The following AGAP1 variants were observed in gnomAD, a reference collection of about 807,000 sequenced individuals.
AGAP1 encodes arf-GAP with GTPase, ANK repeat and PH domain-containing protein 1.
AGAP1 carries 29 observed loss-of-function variants against 105.3 expected under a neutral mutation model. The observed-to-expected ratio is 0.28, with a 90% CI of 0.21 to 0.38. The LOEUF is 0.38. Among genes scored for constraint, AGAP1 ranks in the 10% least tolerant of loss-of-function variants. The pLI, the probability that AGAP1 is intolerant of heterozygous loss-of-function variation, is 1.00. For synonymous variants in AGAP1, 509 were observed against 485.9 expected, an observed-to-expected ratio of 1.05 and a Z score of -0.63; for missense variants, 998 against 1,165.1, an observed-to-expected ratio of 0.86 and a Z score of 2.09.
At chr2:236,047,241 G>A (rs1051391945) in intron 15 of AGAP1, among the ~76,000 whole-genome samples, 1 of 152,168 alleles carries the variant, frequency 6.6e-6, no homozygotes, top group African/African-American at 2.4e-5. Flanking sequence ...TGGTTGTGCT[G>A]CGTCCATGGT....
At chr2:235,838,264 ACAAT>A (rs1488128772) in intron 9 of AGAP1, among the ~76,000 whole-genome samples, 2 of 151,536 alleles carry the variant, frequency 1.3e-5, no homozygotes, top group Admixed American at 6.6e-5. Context: ...CATTTAATTG[ACAAT>A]CAAGCCATCT....
At chr2:235,998,346 C>T (rs2055905234) in intron 13 of AGAP1, among the ~76,000 whole-genome samples, 1 of 152,136 alleles carries the variant, frequency 6.6e-6, no homozygotes, top group Non-Finnish European at 1.5e-5. Context: ...TAAAGATGAC[C>T]TGAGACATAT....
intron 11 of AGAP1, among the ~76,000 whole-genome samples, chr2:235,924,601 G>A (rs1046108804): frequency 5.3e-5 from 8 of 152,168 alleles, no homozygotes; most frequent in African/African-American, 1.9e-4. Context: ...GAGACTCCTG[G>A]ATCAAAATGA....
At chr2:235,632,401 G>T (rs1295229533) in intron 1 of AGAP1, among the ~76,000 whole-genome samples, 1 of 152,128 alleles carries the variant, frequency 6.6e-6, no homozygotes, top group African/African-American at 2.4e-5. Flanking sequence ...CCTCCCCTCT[G>T]CCTGTGTGTT....
chr2:235,556,028 G>A lies in AGAP1; in HGVS notation c.163+61179G>A, dbSNP rs1943962000. ...GTGTTTCTGCCTGTGGGGCACGTGG[G>A]ACATGTGAGGGAGAAACAGCATCCT... On this transcript the variant is annotated intron_variant, in intron 1 of 17. Coordinates refer to ENST00000304032, the MANE Select transcript of AGAP1 (RefSeq NM_001037131.3). The surrounding 1 kb of genome is among the most constrained non-coding windows in gnomAD (Gnocchi z 5.3). Among the ~76,000 whole-genome samples the A allele has an allele frequency of 6.6e-6, 1 of 152,212 alleles. No homozygotes were observed. The highest frequency in any genetic ancestry group is 1.5e-5 in the Non-Finnish European group (1 of 68,046).
Position 235,869,458 on chromosome 2 carries a change from G to A in AGAP1, c.1051-13887G>A, listed in dbSNP as rs532881749. ...AAAAAAAAAAAAAAAAAAATTAGCCGGGCGTGACGGCAGGTGCCTGTAATC... is the reference window on the plus strand; with the variant it reads ...AAAAAAAAAAAAAAAAAAATTAGCCAGGCGTGACGGCAGGTGCCTGTAATC... On this transcript the variant is annotated intron_variant, in intron 9 of 17. Coordinates refer to ENST00000304032, the MANE Select transcript of AGAP1 (RefSeq NM_001037131.3). Among the ~76,000 whole-genome samples the A allele has an allele frequency of 1.9e-3, 267 of 138,634 alleles. 1 individual carries two copies. The highest frequency in any genetic ancestry group is 6.4e-3 in the African/African-American group (251 of 38,958). The allele number at this position is 138,634 out of a possible 152,430, so 90.9% of individuals were successfully genotyped here. A position where few individuals can be genotyped will look rare whatever the true frequency, so the allele number is the denominator to read the frequency against.
rs565433130 is a variant in AGAP1, at chr2:236,062,899, A to T, written c.2114+13618A>T. Reference sequence around the variant, plus strand: ...CTGGTCTTGAACTCCTGACCTCATGATCCACCCACCTTGGCCTCCCAGAGT... The same window carrying T: ...CTGGTCTTGAACTCCTGACCTCATGTTCCACCCACCTTGGCCTCCCAGAGT... On this transcript the variant is annotated intron_variant, in intron 16 of 17. Transcript: ENST00000304032. The surrounding 1 kb of genome is among the most constrained non-coding windows in gnomAD (Gnocchi z 4.2). 2.6e-5 allele frequency among the ~76,000 whole-genome samples: 4 copies of T among 151,610 alleles called. No individual in the cohort carries two copies. The highest frequency in any genetic ancestry group is 2.6e-4 in the Admixed American group (4 of 15,244).
intron 9 of AGAP1, among the ~76,000 whole-genome samples, 198 bp downstream of exon 9, chr2:235,807,529 A>G (rs554628796): frequency 6.6e-6 from 1 of 152,244 alleles, no homozygotes; most frequent in South Asian, 2.1e-4. Context: ...GGGAACGGAG[A>G]CAACAGACCT....
At chr2:235,774,509 GTGT>G in intron 6 of AGAP1, 1 of 353,636 alleles carries the variant, frequency 2.8e-6, no homozygotes, top group Non-Finnish European at 5.8e-6. Flanking sequence ...AAACCTTTAA[GTGT>G]AGTAGCCTAA....
chr2:236,126,363 CTG>C lies in AGAP1; in HGVS notation c.*2243_*2244del, dbSNP rs1448587408. 2 of 152,226 alleles carry C rather than the reference CTG, an allele frequency of 1.3e-5. No homozygotes were observed. The highest frequency in any genetic ancestry group is 2.4e-5 in the African/African-American group (1 of 41,458). 9.4% of individuals were successfully genotyped at this position (152,226 alleles called of 1,614,324 possible). On this transcript the variant is annotated 3_prime_UTR_variant, in exon 18 of 18. Transcript: ENST00000304032. ...CTCCACACAGCCTTCACCGTAGACT[CTG>C]TAGTGGACACAGATATAGCATAAAT...
intron 6 of AGAP1, among the ~76,000 whole-genome samples, chr2:235,781,141 C>T (rs1374424169): frequency 6.6e-6 from 1 of 152,166 alleles, no homozygotes; most frequent in Non-Finnish European, 1.5e-5. Context: ...CAGACCTTTC[C>T]CTACCTGTCA....
At chr2:235,758,223 A>G (rs1332838582) in intron 6 of AGAP1, among the ~76,000 whole-genome samples, 2 of 152,166 alleles carry the variant, frequency 1.3e-5, no homozygotes, top group African/African-American at 4.8e-5. Flanking sequence ...CAAGCCATGT[A>G]TATGTGTACA....
chr2:235,505,734 T>C (rs1479801060), intron 1 of AGAP1: 2 of 151,848 alleles, frequency 1.3e-5, no homozygotes, highest in African/African-American at 4.8e-5. Context: ...CAGGAGGGCT[T>C]TCCAGGCTAG....
intron 9 of AGAP1, among the ~76,000 whole-genome samples, chr2:235,870,411 C>T (rs1426904191): frequency 6.6e-6 from 1 of 152,078 alleles, no homozygotes; most frequent in East Asian, 1.9e-4. Flanking sequence ...TGGATCACCT[C>T]AGGTCAGGAG....
intron 1 of AGAP1, among the ~76,000 whole-genome samples, chr2:235,594,005 A>G (rs562937467): frequency 6.6e-6 from 1 of 152,124 alleles, no homozygotes; most frequent in Non-Finnish European, 1.5e-5. Flanking sequence ...AAAAAAATCA[A>G]TCAAATTCTA....
intron 16 of AGAP1, among the ~76,000 whole-genome samples, chr2:236,091,008 G>A (rs2059045490): frequency 6.6e-6 from 1 of 152,230 alleles, no homozygotes; most frequent in African/African-American, 2.4e-5. Context: ...CGAAGTGCTG[G>A]GTTGACAGGC....
At position 236,095,154 on chromosome 2, in the gene AGAP1, C is replaced by T. The variant is rs144846191; in HGVS notation, c.2115-25038C>T. ...GTTGACGCCTGTAATTCCAACACTT[C>T]GGGAGGCCAAGGCGGGTGGATTGCT... On this transcript the variant is annotated intron_variant, in intron 16 of 17. Transcript: ENST00000304032. This position sits in a 1 kb window ranked among gnomAD's most constrained non-coding sequence, Gnocchi z 4.1. 1.3e-5 allele frequency among the ~76,000 whole-genome samples: 2 copies of T among 151,122 alleles called. No individual in the cohort carries two copies. The highest frequency in any genetic ancestry group is 3.9e-4 in the East Asian group (2 of 5,098).
At position 236,045,850 on chromosome 2, in the gene AGAP1, A is replaced by G; in HGVS notation, c.1892-3209A>G. The G allele has an allele frequency of 2.4e-6, 1 of 421,918 alleles. No individual in the cohort carries two copies. The highest frequency in any genetic ancestry group is 2.5e-5 in the Admixed American group (1 of 39,816). 26.1% of individuals were successfully genotyped at this position (421,918 alleles called of 1,614,324 possible). A position where few individuals can be genotyped will look rare whatever the true frequency, so the allele number is the denominator to read the frequency against. ...CGGAGGCAAGGTTCTCCCCTCAGTCAGCCCCAGCCTTACCTGTCTCTAAGC... is the reference window on the plus strand; with the variant it reads ...CGGAGGCAAGGTTCTCCCCTCAGTCGGCCCCAGCCTTACCTGTCTCTAAGC... On this transcript the variant is annotated intron_variant, in intron 15 of 17. Coordinates refer to ENST00000304032, the MANE Select transcript of AGAP1 (RefSeq NM_001037131.3). The surrounding 1 kb of genome is among the most constrained non-coding windows in gnomAD (Gnocchi z 6.9).
intron 1 of AGAP1, among the ~76,000 whole-genome samples, chr2:235,538,412 A>G (rs1943311139): frequency 2.4e-5 from 2 of 84,724 alleles, no homozygotes; most frequent in South Asian, 7.8e-4. Flanking sequence ...CTCTGGAGGA[A>G]GAACCTCAGC....
Sources: gnomAD v4.1 joint callset for allele counts (sites outside exome capture counted in the v4.1 genomes callset) on GRCh38, gnomAD v4.1.1 for gene constraint, Gnocchi (gnomAD v3.1) non-coding constraint, MANE v1.5 for transcripts, NCBI Gene and HGNC (gene_info 2026-07-23, HGNC 2026-07-21) for gene names.